ANKS1B: variants seen among roughly 807,000 people sequenced by gnomAD.
The protein encoded by ANKS1B is ankyrin repeat and sterile alpha motif domain containing 1B, also known as ankyrin repeat and sterile alpha motif domain-containing protein 1B.
In ANKS1B, 36 loss-of-function variants were observed where a neutral mutation model predicts 148.3. That is an observed-to-expected ratio of 0.24 (90% confidence interval 0.19 to 0.32). The LOEUF (loss-of-function observed/expected upper bound fraction) is 0.32. Ranked by LOEUF, ANKS1B falls within the 10% of genes least tolerant of loss-of-function variation. ANKS1B has a pLI of 1.00. For synonymous variants in ANKS1B, 542 were observed against 560.8 expected, an observed-to-expected ratio of 0.97 and a Z score of 0.47; for missense variants, 1,157 against 1,542.6, an observed-to-expected ratio of 0.75 and a Z score of 4.19.
intron 12 of ANKS1B, among the ~76,000 whole-genome samples, chr12:99,384,617 C>G (rs2093782638): frequency 1.3e-5 from 2 of 152,006 alleles, no homozygotes; most frequent in South Asian, 4.2e-4. Flanking sequence ...CTGCCCTGCC[C>G]TGCCTTCCCC....
intron 9 of ANKS1B, among the ~76,000 whole-genome samples, chr12:99,604,815 C>CAAAAAAAAAAAA (rs150262116): frequency 2.5e-5 from 2 of 81,104 alleles, no homozygotes; most frequent in African/African-American, 4.4e-5. Flanking sequence ...AACTCTATCT[C>CAAAAAAAAAAAA]AAAAAAAAAA....
chr12:98,859,168 G>A (rs1002182446), intron 17 of ANKS1B, among the ~76,000 whole-genome samples: 1 of 152,172 alleles, frequency 6.6e-6, no homozygotes, highest in Admixed American at 6.5e-5. Flanking sequence ...TATAACGCCA[G>A]GATTTCTGAC....
intron 9 of ANKS1B, among the ~76,000 whole-genome samples, chr12:99,582,651 A>G (rs2097582203): frequency 6.6e-6 from 1 of 152,178 alleles, no homozygotes; most frequent in African/African-American, 2.4e-5. Context: ...GTGATCTGTG[A>G]AAGCAAACAG....
intron 15 of ANKS1B, among the ~76,000 whole-genome samples, chr12:99,123,013 T>TATATATATATATATATATATATATAA (rs1406812994): frequency 1.0e-4 from 15 of 145,684 alleles, no homozygotes; most frequent in African/African-American, 3.5e-4. Flanking sequence ...TATATATATA[T>TATATATATATATATATATATATATAA]AAACATGTAT....
intron 16 of ANKS1B, chr12:99,083,925 C>T (rs1346273944): frequency 6.6e-6 from 1 of 152,086 alleles, no homozygotes; most frequent in Non-Finnish European, 1.5e-5. Context: ...ATTTTCCTTT[C>T]CTTATCAATT....
At position 99,402,687 on chromosome 12, in the gene ANKS1B, A is replaced by G. The variant is rs965980924; in HGVS notation, c.1576-2876T>C. Reference sequence around the variant, plus strand: ...ATGGCTGCATAGTATTCCGTGGTGTATATATACCACATTTTCTTTATCCAG... The same window carrying G: ...ATGGCTGCATAGTATTCCGTGGTGTGTATATACCACATTTTCTTTATCCAG... On this transcript the variant is annotated intron_variant, in intron 11 of 26. Transcript: ENST00000683438. Among the ~76,000 whole-genome samples, 26 of 146,206 alleles carry G rather than the reference A, an allele frequency of 1.8e-4. 4 individuals carry two copies. Among genetic ancestry groups the G allele is most frequent in the Admixed American group, 1.4e-3 (20 of 14,714 alleles).
chr12:99,393,168 C>T (rs2094135926), intron 12 of ANKS1B, among the ~76,000 whole-genome samples: 2 of 151,964 alleles, frequency 1.3e-5, no homozygotes, highest in South Asian at 4.2e-4. Context: ...CAGAATTCTA[C>T]CACTCCTCAC....
intron 17 of ANKS1B, among the ~76,000 whole-genome samples, chr12:98,870,511 C>T (rs2099654997): frequency 6.6e-6 from 1 of 152,202 alleles, no homozygotes; most frequent in Admixed American, 6.5e-5. Flanking sequence ...AATAAACCAC[C>T]ACTTTCAGGC....
intron 14 of ANKS1B, among the ~76,000 whole-genome samples, chr12:99,242,070 C>G (rs900038972): frequency 1.3e-5 from 2 of 149,576 alleles, no homozygotes; most frequent in African/African-American, 4.9e-5. Context: ...AAGAGAATGA[C>G]ATAAATCAAT....
At chr12:99,857,904 T>C (rs2089426705) in intron 1 of ANKS1B, among the ~76,000 whole-genome samples, 1 of 152,182 alleles carries the variant, frequency 6.6e-6, no homozygotes, top group Non-Finnish European at 1.5e-5. Flanking sequence ...GATCAAAGAC[T>C]TATATCTAAC....
intron 9 of ANKS1B, among the ~76,000 whole-genome samples, chr12:99,541,187 A>T (rs1475953320): frequency 1.3e-5 from 2 of 152,206 alleles, no homozygotes; most frequent in Non-Finnish European, 2.9e-5. Flanking sequence ...TAAACCAAAC[A>T]TTTAAAGAAG....
intron 12 of ANKS1B, among the ~76,000 whole-genome samples, chr12:99,353,045 C>T (rs1014437796): frequency 6.6e-6 from 1 of 151,994 alleles, no homozygotes; most frequent in Non-Finnish European, 1.5e-5. Flanking sequence ...TTTCACTGTA[C>T]ACAAAACTGA....
chr12:99,142,313 T>C (rs560909747), intron 15 of ANKS1B, among the ~76,000 whole-genome samples: 35 of 152,244 alleles, frequency 2.3e-4, no homozygotes, highest in African/African-American at 5.1e-4. Context: ...TGAGAGTTTA[T>C]TGGTTGCCAT....
chr12:98,743,855 T>TCAA (rs1257900495), downstream of ANKS1B: 3 of 344,208 alleles, frequency 8.7e-6, no homozygotes, highest in African/African-American at 6.7e-5. Context: ...GCAACTTTTC[T>TCAA]CAACAATTTT....
At chr12:99,204,684 C>G (rs550722522) in intron 14 of ANKS1B, among the ~76,000 whole-genome samples, 3 of 152,298 alleles carry the variant, frequency 2.0e-5, no homozygotes, top group African/African-American at 7.2e-5. Flanking sequence ...ACGATTCCCC[C>G]CTAAAACCTA....
intron 1 of ANKS1B, among the ~76,000 whole-genome samples, chr12:99,889,248 C>T (rs191999412): frequency 6.6e-6 from 1 of 151,966 alleles, no homozygotes; most frequent in African/African-American, 2.4e-5. Flanking sequence ...GGCTGTGTGA[C>T]CCTTGTTTTA....
rs12307381 is a variant in ANKS1B, at chr12:99,324,523, T to A, written c.1756+75108A>T. ...AGAGAGTATTTTATTTCTACTTAGC[T>A]TAATAAGGTCCTTTCAAATAGAGTC... On this transcript the variant is annotated intron_variant, in intron 12 of 26. Transcript: ENST00000683438. Among the ~76,000 whole-genome samples the A allele has an allele frequency of 5.3e-3, 803 of 152,254 alleles. 9 individuals carry two copies. Among genetic ancestry groups the A allele is most frequent in the African/African-American group, 0.018 (764 of 41,546 alleles).
chr12:99,141,974 A>G (rs913517314), intron 15 of ANKS1B, among the ~76,000 whole-genome samples: 1 of 152,026 alleles, frequency 6.6e-6, no homozygotes. Flanking sequence ...TAACTTTCCC[A>G]TGGAGCAAGC....
At chr12:99,488,684 C>G (rs2096526289) in intron 10 of ANKS1B, among the ~76,000 whole-genome samples, 1 of 152,192 alleles carries the variant, frequency 6.6e-6, no homozygotes, top group South Asian at 2.1e-4. Context: ...AATCTCCCCA[C>G]TGCTCTGCCC....
Sources: gnomAD v4.1 joint callset for allele counts (sites outside exome capture counted in the v4.1 genomes callset) on GRCh38, gnomAD v4.1.1 for gene constraint, MANE v1.5 for transcripts, NCBI Gene and HGNC (gene_info 2026-07-23, HGNC 2026-07-21) for gene names.